The following DIP2C variants were observed in gnomAD, a reference collection of about 807,000 sequenced individuals.
DIP2C encodes the protein DIP2 acetate--CoA ligase C (putative).
DIP2C carries 33 observed loss-of-function variants against 192.4 expected under a neutral mutation model. That is an observed-to-expected ratio of 0.17 (90% CI 0.13 to 0.23). The LOEUF (loss-of-function observed/expected upper bound fraction) is 0.23, where lower values mean the gene tolerates loss of function less well. DIP2C is among the 10% of genes least tolerant of loss of function. The pLI is 1.00. For synonymous variants in DIP2C, 979 were observed against 864.1 expected, an observed-to-expected ratio of 1.13 and a Z score of -2.33; for missense variants, 1,537 against 2,110.1, an observed-to-expected ratio of 0.73 and a Z score of 5.32.
intron 1 of DIP2C, among the ~76,000 whole-genome samples, chr10:519,445 A>C (rs970510982): frequency 2.0e-5 from 3 of 151,892 alleles, no homozygotes; most frequent in Non-Finnish European, 4.4e-5. Flanking sequence ...CTGAGTGCTG[A>C]CCCCGCGTGG....
chr10:284,583 G>A (rs184623251), intron 34 of DIP2C, among the ~76,000 whole-genome samples: 18 of 150,514 alleles, frequency 1.2e-4, no homozygotes, highest in African/African-American at 2.8e-4. Context: ...GTGGTTAGCC[G>A]GGACTTCAGA....
intron 1 of DIP2C, among the ~76,000 whole-genome samples, chr10:637,952 T>C (rs1318698268): frequency 6.6e-6 from 1 of 152,082 alleles, no homozygotes; most frequent in Non-Finnish European, 1.5e-5. Context: ...CACAAGCTCA[T>C]CCATTAAGAC....
intron 1 of DIP2C, among the ~76,000 whole-genome samples, chr10:536,675 G>GA (rs1467305906): frequency 6.6e-6 from 1 of 152,138 alleles, no homozygotes; most frequent in African/African-American, 2.4e-5. Context: ...AGTGCTCTGT[G>GA]GAGGGGGGGC....
intron 22 of DIP2C, 123 bp downstream of exon 22, chr10:362,367 C>T (rs1424878551): frequency 4.4e-6 from 5 of 1,148,938 alleles, no homozygotes; most frequent in Non-Finnish European, 6.0e-6. Flanking sequence ...TTGGGGTAAC[C>T]ACTTCTTTCC....
intron 1 of DIP2C, among the ~76,000 whole-genome samples, chr10:567,993 C>T (rs773371189): frequency 5.3e-5 from 8 of 152,034 alleles, no homozygotes; most frequent in Non-Finnish European, 1.2e-4. Flanking sequence ...CACGTCCCAC[C>T]GAGCTTCCCA....
chr10:481,614 A>G (rs1004530745), intron 2 of DIP2C, among the ~76,000 whole-genome samples: 10 of 152,196 alleles, frequency 6.6e-5, no homozygotes, highest in African/African-American at 2.2e-4. Context: ...ACATGTTACC[A>G]TCTGCCATTT....
intron 6 of DIP2C, among the ~76,000 whole-genome samples, chr10:418,582 A>G (rs1965963079): frequency 6.6e-6 from 1 of 152,250 alleles, no homozygotes; most frequent in African/African-American, 2.4e-5. Flanking sequence ...CCTCGGCCAC[A>G]GCCTGTTACC....
chr10:591,919 A>G (rs555553371), intron 1 of DIP2C, among the ~76,000 whole-genome samples: 8 of 152,288 alleles, frequency 5.3e-5, no homozygotes, highest in African/African-American at 1.9e-4. Context: ...CATTCCACAA[A>G]CAGCAGAAAG....
chr10:380,509 C>T (rs1480555666), intron 17 of DIP2C, among the ~76,000 whole-genome samples: 2 of 152,238 alleles, frequency 1.3e-5, no homozygotes, highest in Admixed American at 6.5e-5. Context: ...ACGCAGGACA[C>T]AAATGCTTAG....
At chr10:467,348 A>C (rs1054699793) in intron 3 of DIP2C, among the ~76,000 whole-genome samples, 1 of 132,402 alleles carries the variant, frequency 7.6e-6, no homozygotes, top group African/African-American at 2.8e-5. Flanking sequence ...ACATGGACAC[A>C]GGAAGGGGAA....
At chr10:570,993 C>A (rs561369040) in intron 1 of DIP2C, among the ~76,000 whole-genome samples, 1 of 152,222 alleles carries the variant, frequency 6.6e-6, no homozygotes, top group Non-Finnish European at 1.5e-5. Context: ...GCAAGAGCCC[C>A]GCAGGCTTCC....
At chr10:300,329 A>G (rs1035325485) in intron 32 of DIP2C, among the ~76,000 whole-genome samples, 1 of 152,238 alleles carries the variant, frequency 6.6e-6, no homozygotes, top group Non-Finnish European at 1.5e-5. Flanking sequence ...GAAGATTTTG[A>G]CACAATGCTA....
In DIP2C at chr10:476,095, G is replaced by A. The variant is rs138012795; in HGVS notation, c.158-3546C>T. 1.4e-3 allele frequency among the ~76,000 whole-genome samples: 213 copies of A among 152,328 alleles called. 3 individuals carry two copies. The highest frequency in any genetic ancestry group is 4.4e-3 in the African/African-American group (183 of 41,582). ...GACTAGAAGCCTTATGACAGAAGGC[G>A]TGGTCAGGGGAGAGAGGCCGGCATG... On this transcript the variant is annotated intron_variant, in intron 2 of 36. Coordinates refer to ENST00000280886, the MANE Select transcript of DIP2C (RefSeq NM_014974.3).
intron 31 of DIP2C, among the ~76,000 whole-genome samples, chr10:311,770 A>G (rs1002410133): frequency 6.6e-6 from 1 of 152,228 alleles, no homozygotes; most frequent in African/African-American, 2.4e-5. Context: ...AATCATTAAA[A>G]TTAACCACTG....
chr10:489,867 G>A (rs1392824354), intron 1 of DIP2C, among the ~76,000 whole-genome samples: 7 of 75,304 alleles, frequency 9.3e-5, no homozygotes, highest in African/African-American at 1.1e-4. Flanking sequence ...ACAGTGCCCG[G>A]GGCTTCCTCC....
chr10:624,750 C>T (rs1335890450), intron 1 of DIP2C, among the ~76,000 whole-genome samples: 3 of 152,214 alleles, frequency 2.0e-5, no homozygotes, highest in African/African-American at 7.2e-5. Flanking sequence ...TGCTGAGCCA[C>T]GAGCCAGGGA....
At chr10:307,314 T>G (rs531467405) in intron 32 of DIP2C, among the ~76,000 whole-genome samples, 1 of 152,354 alleles carries the variant, frequency 6.6e-6, no homozygotes, top group South Asian at 2.1e-4. Flanking sequence ...TTCTGACCTG[T>G]GTGACCCAGA....
chr10:592,150 TGCTA>T (rs543124091), intron 1 of DIP2C, among the ~76,000 whole-genome samples: 390 of 152,360 alleles, frequency 2.6e-3, no homozygotes, highest in Middle Eastern at 0.01. Context: ...TTGATATTTC[TGCTA>T]ATTAGGAAGC....
At chr10:357,709 G>GT in intron 23 of DIP2C, 119 bp downstream of exon 23, 1 of 727,814 alleles carries the variant, frequency 1.4e-6, no homozygotes, top group Non-Finnish European at 2.3e-6. Flanking sequence ...GTCAGACACT[G>GT]TCGCGGACTG....
Sources: allele counts gnomAD v4.1 joint callset (sites outside exome capture counted in the v4.1 genomes callset), GRCh38; gene constraint gnomAD v4.1.1; transcripts MANE v1.5; gene names NCBI Gene and HGNC (gene_info 2026-07-23, HGNC 2026-07-21).